The following PIK3R1 variants were observed in gnomAD, a reference collection of about 807,000 sequenced individuals.
The protein encoded by PIK3R1 is phosphatidylinositol 3-kinase regulatory subunit alpha.
In PIK3R1, 29 loss-of-function variants were observed where a neutral mutation model predicts 98.0. The observed-to-expected ratio is 0.30, with a 90% CI of 0.22 to 0.40. PIK3R1 has a LOEUF of 0.40. PIK3R1 is among the 10% of genes least tolerant of loss of function. The pLI, the probability that PIK3R1 is intolerant of heterozygous loss-of-function variation, is 1.00. For synonymous variants in PIK3R1, 282 were observed against 311.8 expected (o/e 0.90, Z 1.01); for missense variants, 596 against 872.7 (o/e 0.68, Z 3.99).
At chr5:68,271,372 T>C (rs1273638520) in intron 2 of PIK3R1, among the ~76,000 whole-genome samples, 1 of 152,080 alleles carries the variant, frequency 6.6e-6, no homozygotes, top group African/African-American at 2.4e-5. Context: ...GTGGTAAACA[T>C]TGCAGGGCTT....
At chr5:68,257,844 T>A (rs1185482449) in intron 2 of PIK3R1, among the ~76,000 whole-genome samples, 1 of 152,218 alleles carries the variant, frequency 6.6e-6, no homozygotes, top group Non-Finnish European at 1.5e-5. Context: ...CTCTCCTGAA[T>A]AATAATTTTT....
intron 2 of PIK3R1, among the ~76,000 whole-genome samples, chr5:68,265,075 C>G (rs1561280919): frequency 6.6e-6 from 1 of 152,022 alleles, no homozygotes; most frequent in South Asian, 2.1e-4. Context: ...GGGCTCAGCC[C>G]CAATCCTTGC....
At chr5:68,224,646 T>C (rs1370965531) in intron 1 of PIK3R1, among the ~76,000 whole-genome samples, 2 of 152,226 alleles carry the variant, frequency 1.3e-5, no homozygotes, top group African/African-American at 4.8e-5. Flanking sequence ...AGTGTTCCAC[T>C]CTTTAAAACT....
At chr5:68,293,569 A>T in intron 10 of PIK3R1, 86 bp downstream of exon 10, 1 of 1,248,080 alleles carries the variant, frequency 8.0e-7, no homozygotes, top group Non-Finnish European at 1.1e-6. Context: ...CAGATGAATT[A>T]CATGTAATCA....
chr5:68,235,871 C>T (rs1222246522), intron 2 of PIK3R1, among the ~76,000 whole-genome samples: 2 of 123,938 alleles, frequency 1.6e-5, no homozygotes, highest in South Asian at 5.3e-4. Flanking sequence ...TTCTGCCAGG[C>T]ATTTTTTTTT....
intron 2 of PIK3R1, among the ~76,000 whole-genome samples, chr5:68,254,410 A>G (rs1745434120): frequency 6.6e-6 from 1 of 152,230 alleles, no homozygotes; most frequent in Admixed American, 6.5e-5. Flanking sequence ...CTTCCAACAA[A>G]TAAAAAATAA....
At chr5:68,234,102 A>G (rs1744580277) in intron 2 of PIK3R1, among the ~76,000 whole-genome samples, 1 of 152,236 alleles carries the variant, frequency 6.6e-6, no homozygotes, top group Non-Finnish European at 1.5e-5. Flanking sequence ...ATGAAATATA[A>G]ATCTGTGATA....
At chr5:68,292,505 C>T in intron 8 of PIK3R1, 144 bp downstream of exon 8, 6 of 1,504,168 alleles carry the variant, frequency 4.0e-6, no homozygotes, top group Non-Finnish European at 5.4e-6. Flanking sequence ...CAGAAAAAGT[C>T]ACTGAGCACT....
chr5:68,243,409 G>A (rs1027273937), intron 2 of PIK3R1, among the ~76,000 whole-genome samples: 1 of 152,174 alleles, frequency 6.6e-6, no homozygotes, highest in African/African-American at 2.4e-5. Flanking sequence ...CTAGATGAGA[G>A]GATTTTCCTC....
chr5:68,259,313 A>G (rs1259274053), intron 2 of PIK3R1, among the ~76,000 whole-genome samples: 3 of 152,258 alleles, frequency 2.0e-5, no homozygotes, highest in Non-Finnish European at 4.4e-5. Context: ...TGGCTACTAG[A>G]AAATGTAAAA....
intron 2 of PIK3R1, among the ~76,000 whole-genome samples, chr5:68,268,009 A>C (rs1040734445): frequency 2.0e-5 from 3 of 152,192 alleles, no homozygotes; most frequent in Non-Finnish European, 4.4e-5. Context: ...AATAAAGATT[A>C]CATGACTAAT....
chr5:68,216,551 G>T (rs1476133644), intron 1 of PIK3R1, among the ~76,000 whole-genome samples: 1 of 152,228 alleles, frequency 6.6e-6, no homozygotes, highest in African/African-American at 2.4e-5. Flanking sequence ...CCTCGGGGCG[G>T]TTGGTCGCTG....
intron 2 of PIK3R1, among the ~76,000 whole-genome samples, chr5:68,271,991 C>G (rs768404114): frequency 9.9e-5 from 15 of 152,052 alleles, no homozygotes; most frequent in Admixed American, 2.6e-4. Context: ...TGGCTCACAC[C>G]TGTAATCCCA....
Position 68,226,412 on chromosome 5 carries a change from G to T in PIK3R1, c.-264G>T. ...CCTGGATTCAAAGTGTTGACAAGTT[G>T]CTGAAAAGGAAGCCAGTGAGAGGAC... On this transcript the variant is annotated 5_prime_UTR_variant, in exon 2 of 16. Coordinates refer to ENST00000521381, the MANE Select transcript of PIK3R1 (RefSeq NM_181523.3). The T allele has an allele frequency of 2.1e-6, 1 of 483,790 alleles. No individual in the cohort carries two copies. The highest frequency in any genetic ancestry group is 3.6e-6 in the Non-Finnish European group (1 of 275,100). 30.0% of individuals were successfully genotyped at this position (483,790 alleles called of 1,614,324 possible). A position where few individuals can be genotyped will look rare whatever the true frequency, so the allele number is the denominator to read the frequency against.
intron 7 of PIK3R1, chr5:68,290,822 A>G (rs773310680): frequency 1.2e-6 from 2 of 1,610,620 alleles, no homozygotes; most frequent in Non-Finnish European, 1.7e-6. Context: ...TTATATAGAA[A>G]TGGACCCACC....
chr5:68,292,425 G>T, intron 8 of PIK3R1, 64 bp downstream of exon 8: 2 of 1,480,526 alleles, frequency 1.4e-6, no homozygotes, highest in Non-Finnish European at 1.9e-6. Context: ...GCACCAGCTT[G>T]CTAAGTTCCA....
chr5:68,250,618 G>A (rs2112066083), intron 2 of PIK3R1, among the ~76,000 whole-genome samples: 1 of 152,278 alleles, frequency 6.6e-6, no homozygotes, highest in Non-Finnish European at 1.5e-5. Context: ...TAGACTTTGG[G>A]GATCTAATCT....
At chr5:68,228,582 G>A (rs1250700235) in intron 2 of PIK3R1, among the ~76,000 whole-genome samples, 1 of 151,992 alleles carries the variant, frequency 6.6e-6, no homozygotes, top group Non-Finnish European at 1.5e-5. Flanking sequence ...ATACGTAATC[G>A]TTTTTCTCCA....
At chr5:68,261,034 A>G (rs1171089308) in intron 2 of PIK3R1, among the ~76,000 whole-genome samples, 3 of 152,184 alleles carry the variant, frequency 2.0e-5, no homozygotes, top group African/African-American at 7.2e-5. Flanking sequence ...AAATGTTGCC[A>G]TTCTCCCATT....
Sources: allele counts gnomAD v4.1 joint callset (sites outside exome capture counted in the v4.1 genomes callset), GRCh38; gene constraint gnomAD v4.1.1; transcripts MANE v1.5; gene names NCBI Gene and HGNC (gene_info 2026-07-23, HGNC 2026-07-21).